The following CEP41 variants were observed in gnomAD, a reference collection of about 807,000 sequenced individuals.
The protein encoded by CEP41 is centrosomal protein of 41 kDa.
A neutral mutation model predicts 44.3 loss-of-function variants in CEP41; 32 were observed. That is an observed-to-expected ratio of 0.72 (90% CI 0.54 to 0.97). The LOEUF (loss-of-function observed/expected upper bound fraction) is 0.97, where lower values mean the gene tolerates loss of function less well. Ranked by LOEUF, CEP41 falls within the 50% of genes least tolerant of loss-of-function variation. CEP41 has a pLI of 0.00. For missense variants in CEP41, 432 were observed against 455.2 expected (o/e 0.95, Z 0.46); for synonymous variants, 151 against 168.5 (o/e 0.90, Z 0.80).
At chr7:130,432,863 A>G (rs930298732) in intron 1 of CEP41, among the ~76,000 whole-genome samples, 6 of 152,202 alleles carry the variant, frequency 3.9e-5, no homozygotes, top group Non-Finnish European at 1.5e-5. Flanking sequence ...GGGAGTTGTC[A>G]GCCTACAGGC....
intron 3 of CEP41, among the ~76,000 whole-genome samples, chr7:130,414,481 A>T (rs1797276529): frequency 6.6e-6 from 1 of 152,248 alleles, no homozygotes; most frequent in South Asian, 2.1e-4. Context: ...ACATTTATCC[A>T]CTGATATTCT....
rs1554414064 is a variant in CEP41, at chr7:130,395,351, G to A, written c.*3540C>T. On this transcript the variant is annotated 3_prime_UTR_variant, in exon 11 of 11. Coordinates refer to ENST00000223208, the MANE Select transcript of CEP41 (RefSeq NM_018718.3). ...GGTGAATTATATTCCACACATTTGC[G>A]GTGTTTCCTGGGGAAAAAAAAGTAT... is the stretch of plus-strand genomic sequence containing the variant. 2.1e-5 allele frequency: 9 copies of A among 433,608 alleles called. No individual in the cohort carries two copies. The highest frequency in any genetic ancestry group is 3.1e-5 in the South Asian group (2 of 63,928). The allele number at this position is 433,608 out of a possible 1,614,324, so 26.9% of individuals were successfully genotyped here. A position where few individuals can be genotyped will look rare whatever the true frequency, so the allele number is the denominator to read the frequency against.
upstream of CEP41, chr7:130,441,336 T>C: frequency 2.4e-6 from 1 of 420,674 alleles, no homozygotes; most frequent in Non-Finnish European, 4.5e-6. Flanking sequence ...ACACGAGTTT[T>C]AGCTAATGTG....
At chr7:130,441,627 A>G (rs189698069), upstream of CEP41, among the ~76,000 whole-genome samples, 5 of 152,360 alleles carry the variant, frequency 3.3e-5, no homozygotes, top group Non-Finnish European at 5.9e-5. Context: ...TCTGTGGTTC[A>G]TCGTTCATTT....
intron 2 of CEP41, among the ~76,000 whole-genome samples, chr7:130,427,634 A>C (rs1797703881): frequency 6.6e-6 from 1 of 152,248 alleles, no homozygotes; most frequent in Non-Finnish European, 1.5e-5. Context: ...AAGGTATTCC[A>C]AAATAGAGGC....
At position 130,403,092 on chromosome 7, in the gene CEP41, C is replaced by T. The variant is rs192743446; in HGVS notation, c.423-293G>A. On this transcript the variant is annotated intron_variant, in intron 6 of 10. Coordinates refer to ENST00000223208, the MANE Select transcript of CEP41 (RefSeq NM_018718.3). The stretch of plus-strand genomic sequence containing the variant: ...GGGGGTAGGGACTGAAGGGCACATG[C>T]TGCCTCTAGCCACAAGGGCAGCATC... Among the ~76,000 whole-genome samples the T allele has an allele frequency of 7.3e-3, 1,107 of 152,254 alleles. 7 individuals carry two copies. The highest frequency in any genetic ancestry group is 0.011 in the Non-Finnish European group (729 of 68,022).
chr7:130,404,776 T>C (rs1442436432), intron 5 of CEP41, 68 bp from the exon 6 acceptor site: 86 of 1,187,470 alleles, frequency 7.2e-5, no homozygotes, highest in Non-Finnish European at 1.4e-5. Context: ...TTAGTTCCAC[T>C]GACATTAAGT....
chr7:130,427,443 T>C (rs1797696828), intron 2 of CEP41, among the ~76,000 whole-genome samples: 1 of 152,188 alleles, frequency 6.6e-6, no homozygotes, highest in Non-Finnish European at 1.5e-5. Context: ...CAGTTACTCA[T>C]TCAAGTCTGT....
intron 3 of CEP41, among the ~76,000 whole-genome samples, chr7:130,415,074 T>C (rs1419426071): frequency 1.3e-5 from 2 of 152,186 alleles, no homozygotes; most frequent in Admixed American, 1.3e-4. Context: ...TCAATAGACA[T>C]AGAGTGTCTA....
At chr7:130,403,212 G>A (rs1190071443) in intron 6 of CEP41, among the ~76,000 whole-genome samples, 8 of 152,208 alleles carry the variant, frequency 5.3e-5, no homozygotes, top group Admixed American at 2.6e-4. Flanking sequence ...TTCTTTCTAC[G>A]TGTAAGTAAT....
Position 130,397,504 on chromosome 7 carries a change from G to GC in CEP41, c.*1386dup, listed in dbSNP as rs886061997. 5 of 394,046 alleles carry GC rather than the reference G, an allele frequency of 1.3e-5. No homozygotes were observed. The highest frequency in any genetic ancestry group is 1.9e-5 in the Non-Finnish European group (4 of 209,226). The allele number at this position is 394,046 out of a possible 1,614,324, so 24.4% of individuals were successfully genotyped here. On this transcript the variant is annotated 3_prime_UTR_variant, in exon 11 of 11. Transcript: ENST00000223208. ...GCCCCCATGCTAGAAATACTGTGGT[G>GC]CATTTTTTTTTTTTTTTTTTTTTTT...
chr7:130,402,893 A>C lies in CEP41; in HGVS notation c.423-94T>G. ...TTCAGAATAGTGAGGTGAGTGCTCA[A>C]TGTCTTTTCAAAGGACGCTTCAAAG... On this transcript the variant is annotated intron_variant, in intron 6 of 10. Transcript: ENST00000223208. 3 of 1,302,846 alleles carry C rather than the reference A, an allele frequency of 2.3e-6. No homozygotes were observed. In the South Asian group the frequency reaches 3.5e-5, roughly 15 times the overall value. 80.7% of individuals were successfully genotyped at this position (1,302,846 alleles called of 1,614,324 possible). A position where few individuals can be genotyped will look rare whatever the true frequency, so the allele number is the denominator to read the frequency against.
intron 5 of CEP41, among the ~76,000 whole-genome samples, chr7:130,406,982 TA>T (rs556801279): frequency 1.2e-3 from 175 of 151,144 alleles, no homozygotes; most frequent in African/African-American, 3.8e-3. Flanking sequence ...AAAAAGTATA[TA>T]AAAAATATAT....
intron 2 of CEP41, 53 bp downstream of exon 2, chr7:130,427,902 C>T: frequency 8.0e-7 from 1 of 1,244,414 alleles, no homozygotes; most frequent in South Asian, 1.2e-5. Context: ...TGCTTTCTGT[C>T]AATAATTAGC....
intron 10 of CEP41, 59 bp downstream of exon 10, chr7:130,399,980 A>G: frequency 9.1e-7 from 1 of 1,103,410 alleles, no homozygotes; most frequent in African/African-American, 1.5e-5. Context: ...TTTTCATATG[A>G]TGAGGTGATA....
chr7:130,402,557 C>T, intron 7 of CEP41, 91 bp downstream of exon 7: 6 of 1,385,338 alleles, frequency 4.3e-6, no homozygotes, highest in South Asian at 2.3e-5. Context: ...CCTCAACTGT[C>T]TACCATGGGC....
At chr7:130,440,874 C>T in intron 1 of CEP41, 60 bp downstream of exon 1, 2 of 1,593,998 alleles carry the variant, frequency 1.3e-6, no homozygotes, top group Non-Finnish European at 1.7e-6. Context: ...TCCCTGCCCA[C>T]ATGAGCCTTT....
Position 130,400,688 on chromosome 7 carries a change from A to AGAG in CEP41, c.757+16_757+18dup, listed in dbSNP as rs1554416644. The AGAG allele has an allele frequency of 6.7e-7, 1 of 1,483,258 alleles. No individual in the cohort carries two copies. 91.9% of individuals were successfully genotyped at this position (1,483,258 alleles called of 1,614,324 possible). A position where few individuals can be genotyped will look rare whatever the true frequency, so the allele number is the denominator to read the frequency against. On this transcript the variant is annotated intron_variant, in intron 9 of 10. Transcript: ENST00000223208. The stretch of plus-strand genomic sequence containing the variant: ...ATGATCAGCCTTTGAAGTCCCAAGC[A>AGAG]GAGTATCACCTTGCTCACCTCCGGA...
At chr7:130,405,766 A>G (rs1265595677) in intron 5 of CEP41, among the ~76,000 whole-genome samples, 1 of 152,236 alleles carries the variant, frequency 6.6e-6, no homozygotes, top group African/African-American at 2.4e-5. Flanking sequence ...AGATTCATTG[A>G]TATGATTTCA....
Sources: gnomAD v4.1 joint callset for allele counts (sites outside exome capture counted in the v4.1 genomes callset) on GRCh38, gnomAD v4.1.1 for gene constraint, MANE v1.5 for transcripts, NCBI Gene and HGNC (gene_info 2026-07-23, HGNC 2026-07-21) for gene names.